SLC12A6: variants seen among roughly 807,000 people sequenced by gnomAD.
SLC12A6 encodes the protein K-Cl cotransporter 3.
Under a neutral mutation model 135.3 loss-of-function variants are expected in SLC12A6, and 66 were observed. The ratio of observed to expected loss-of-function variants is 0.49; its 90% confidence interval spans 0.40 to 0.60. The LOEUF is 0.60. SLC12A6 is among the 20% of genes least tolerant of loss of function. SLC12A6 has a pLI of 0.00. For missense variants in SLC12A6, 1,058 were observed against 1,452.3 expected (o/e 0.73, Z 4.41); for synonymous variants, 513 against 508.8 (o/e 1.01, Z -0.11).
At chr15:34,318,843 T>C in intron 2 of SLC12A6, 1 of 1,487,818 alleles carries the variant, frequency 6.7e-7, no homozygotes. Flanking sequence ...CCTACAGCCC[T>C]GAGGGAGTGG....
intron 3 of SLC12A6, 128 bp downstream of exon 3, chr15:34,275,217 A>G (rs913340424): frequency 3.4e-6 from 2 of 587,512 alleles, no homozygotes; most frequent in South Asian, 2.3e-5. Context: ...CAGCAGGAAA[A>G]AAGTTGTTGG....
intron 2 of SLC12A6, among the ~76,000 whole-genome samples, chr15:34,307,680 G>A (rs1896685929): frequency 6.6e-6 from 1 of 152,122 alleles, no homozygotes; most frequent in African/African-American, 2.4e-5. Flanking sequence ...GAGGAAATAA[G>A]TATGAACTTG....
At position 34,229,925 on chromosome 15, in the gene SLC12A6, G is replaced by C. The variant is rs1178540607; in HGVS notation, c.*3956C>G. On this transcript the variant is annotated 3_prime_UTR_variant, in exon 26 of 26. Coordinates refer to ENST00000354181, the MANE Select transcript of SLC12A6 (RefSeq NM_001365088.1). ...CCAAAAGACTCTTTTCTCCATGGTG[G>C]GGTGACAGGTCCTAGAAGGACAATG... The C allele has an allele frequency of 3.8e-6, 3 of 799,272 alleles. No individual in the cohort carries two copies. In the African/African-American group the frequency reaches 5.2e-5, roughly 14 times the overall value. 49.5% of individuals were successfully genotyped at this position (799,272 alleles called of 1,614,324 possible).
chr15:34,319,724 A>G (rs1888923403), intron 2 of SLC12A6, among the ~76,000 whole-genome samples: 2 of 151,846 alleles, frequency 1.3e-5, no homozygotes, highest in South Asian at 4.2e-4. Context: ...CCTTGAATCC[A>G]GGAGGCGGAG....
chr15:34,238,479 T>C (rs930235758), intron 20 of SLC12A6, 78 bp from the exon 21 acceptor site: 8 of 1,129,264 alleles, frequency 7.1e-6, no homozygotes, highest in Non-Finnish European at 1.1e-5. Flanking sequence ...AGCAAGGAAA[T>C]GCTCTTTTCA....
At chr15:34,283,042 A>G (rs890691067) in intron 2 of SLC12A6, among the ~76,000 whole-genome samples, 2 of 152,184 alleles carry the variant, frequency 1.3e-5, no homozygotes, top group African/African-American at 4.8e-5. Flanking sequence ...GGGAACATCA[A>G]TAAGAAAAGA....
intron 2 of SLC12A6, among the ~76,000 whole-genome samples, chr15:34,281,553 GC>G (rs144542532): frequency 0.039 from 5,978 of 152,304 alleles, 219 homozygotes; most frequent in African/African-American, 0.099. Flanking sequence ...GCCTTGGGAG[GC>G]CGAGGCGAGT....
chr15:34,285,627 A>G (rs1403709482), intron 2 of SLC12A6, among the ~76,000 whole-genome samples: 1 of 150,612 alleles, frequency 6.6e-6, no homozygotes, highest in African/African-American at 2.5e-5. Flanking sequence ...GTAAGAAAAA[A>G]TTCATTTAAA....
chr15:34,252,792 G>A (rs1029423215), intron 9 of SLC12A6, among the ~76,000 whole-genome samples: 50 of 152,280 alleles, frequency 3.3e-4, no homozygotes, highest in Admixed American at 1.0e-3. Flanking sequence ...AAATTGTTAG[G>A]TCTAAAAGAA....
intron 2 of SLC12A6, among the ~76,000 whole-genome samples, chr15:34,333,339 C>T (rs1889985330): frequency 6.6e-6 from 1 of 151,542 alleles, no homozygotes; most frequent in Non-Finnish European, 1.5e-5. Flanking sequence ...AAGCAATTCT[C>T]CTGTCAAGGC....
chr15:34,284,905 C>A lies in SLC12A6; in HGVS notation c.272-9516G>T, dbSNP rs78760965. Among the ~76,000 whole-genome samples, 207 of 152,286 alleles carry A rather than the reference C, an allele frequency of 1.4e-3. 2 individuals are homozygous for A. In the East Asian group the frequency reaches 0.034, roughly 25 times the overall value. On this transcript the variant is annotated intron_variant, in intron 2 of 25. Coordinates refer to ENST00000354181, the MANE Select transcript of SLC12A6 (RefSeq NM_001365088.1). ...AGATATCTAACCATACAAATATCTG[C>A]AGGAAGAACAGTTAGTGCTAAGCGA... is the stretch of plus-strand genomic sequence containing the variant.
chr15:34,280,947 C>T (rs1430281157), intron 2 of SLC12A6, among the ~76,000 whole-genome samples: 1 of 152,012 alleles, frequency 6.6e-6, no homozygotes. Context: ...CTAAACACCA[C>T]ATGTTCTCAT....
intron 2 of SLC12A6, among the ~76,000 whole-genome samples, chr15:34,298,029 C>G (rs911300156): frequency 6.6e-6 from 1 of 152,084 alleles, no homozygotes; most frequent in Non-Finnish European, 1.5e-5. Context: ...TTAATTCAAC[C>G]AAGACTCTGA....
intron 23 of SLC12A6, 89 bp downstream of exon 23, chr15:34,236,619 G>T: frequency 1.2e-6 from 1 of 866,408 alleles, no homozygotes; most frequent in Non-Finnish European, 2.0e-6. Context: ...TGGGATTACA[G>T]GCGTGAGCCA....
chr15:34,241,762 A>G (rs1009654349), intron 17 of SLC12A6, among the ~76,000 whole-genome samples: 4 of 152,244 alleles, frequency 2.6e-5, no homozygotes, highest in Non-Finnish European at 5.9e-5. Flanking sequence ...AGTAGTTACT[A>G]AGTTGTTCAG....
intron 2 of SLC12A6, among the ~76,000 whole-genome samples, chr15:34,288,192 T>G (rs993641239): frequency 6.6e-6 from 1 of 152,224 alleles, no homozygotes; most frequent in Non-Finnish European, 1.5e-5. Context: ...TTTCTGCATA[T>G]GGATAGCCAG....
At chr15:34,325,908 C>T (rs553507406) in intron 2 of SLC12A6, among the ~76,000 whole-genome samples, 2 of 152,278 alleles carry the variant, frequency 1.3e-5, no homozygotes, top group South Asian at 4.1e-4. Context: ...GATTATACGT[C>T]CAATGCACTA....
chr15:34,320,776 G>A (rs1889027286), intron 2 of SLC12A6, among the ~76,000 whole-genome samples: 1 of 148,794 alleles, frequency 6.7e-6, no homozygotes, highest in Non-Finnish European at 1.5e-5. Flanking sequence ...TCTTAGCCAG[G>A]CGTGGTGGCG....
At chr15:34,246,776 G>A (rs191833380) in intron 13 of SLC12A6, among the ~76,000 whole-genome samples, 57 of 152,002 alleles carry the variant, frequency 3.7e-4, no homozygotes, top group African/African-American at 1.3e-3. Flanking sequence ...CCTCCCACGT[G>A]GCTGGGACCA....
Sources: gnomAD v4.1 joint callset for allele counts (sites outside exome capture counted in the v4.1 genomes callset) on GRCh38, gnomAD v4.1.1 for gene constraint, MANE v1.5 for transcripts, NCBI Gene and HGNC (gene_info 2026-07-23, HGNC 2026-07-21) for gene names.